Variants in DOCK10 observed in about 807,000 individuals in gnomAD.
DOCK10 encodes the protein dedicator of cytokinesis protein 10.
Under a neutral mutation model 280.1 loss-of-function variants are expected in DOCK10, and 145 were observed. That is an observed-to-expected ratio of 0.52 (90% CI 0.45 to 0.59). The LOEUF is 0.59. Among genes scored for constraint, DOCK10 ranks in the 20% least tolerant of loss-of-function variants. The pLI is 0.00. For missense variants in DOCK10, 2,368 were observed against 2,651.7 expected (o/e 0.89, Z 2.35); for synonymous variants, 915 against 942.2 (o/e 0.97, Z 0.53).
At chr2:224,845,063 G>T in intron 21 of DOCK10, 140 bp downstream of exon 21, 1 of 958,120 alleles carries the variant, frequency 1.0e-6, no homozygotes. Flanking sequence ...AGCTAAACAA[G>T]AGATGTGGCA....
chr2:224,941,771 G>A (rs914370949), intron 1 of DOCK10, among the ~76,000 whole-genome samples: 2 of 151,602 alleles, frequency 1.3e-5, no homozygotes, highest in Non-Finnish European at 2.9e-5. Context: ...TTGAACCCGG[G>A]AGGCAGAGGT....
chr2:224,987,143 T>G (rs1705996527), intron 1 of DOCK10, among the ~76,000 whole-genome samples: 1 of 151,922 alleles, frequency 6.6e-6, no homozygotes, highest in African/African-American at 2.4e-5. Context: ...CCAAGTGAAA[T>G]GACAACAAAG....
intron 1 of DOCK10, among the ~76,000 whole-genome samples, chr2:225,037,736 T>G (rs1349535977): frequency 6.6e-6 from 1 of 152,230 alleles, no homozygotes; most frequent in Non-Finnish European, 1.5e-5. Flanking sequence ...GCATTCATTA[T>G]TGCTTTCTTT....
intron 41 of DOCK10, 77 bp from the exon 42 acceptor site, chr2:224,798,046 C>T: frequency 6.9e-7 from 1 of 1,444,262 alleles, no homozygotes; most frequent in South Asian, 1.2e-5. Context: ...TTATTGTGAA[C>T]CTGTCATGTG....
intron 25 of DOCK10, among the ~76,000 whole-genome samples, chr2:224,835,718 G>A (rs768889215): frequency 2.6e-5 from 4 of 152,192 alleles, no homozygotes; most frequent in Non-Finnish European, 4.4e-5. Flanking sequence ...TTACTTGCCA[G>A]CTTAGTGTTC....
intron 41 of DOCK10, among the ~76,000 whole-genome samples, chr2:224,798,634 C>CT (rs202006772): frequency 0.33 from 47,053 of 142,324 alleles, 8,564 homozygotes; most frequent in East Asian, 0.78. Context: ...CTGGCTCAAT[C>CT]TTTTTTTTTT....
intron 2 of DOCK10, among the ~76,000 whole-genome samples, chr2:224,930,228 G>GAAGA (rs377538186): frequency 1.4e-5 from 2 of 145,724 alleles, no homozygotes; most frequent in Admixed American, 6.8e-5. Context: ...AAGAAAGAAA[G>GAAGA]AAGAAAGAAA....
At chr2:224,894,637 A>G (rs916468308) in intron 4 of DOCK10, among the ~76,000 whole-genome samples, 1 of 152,234 alleles carries the variant, frequency 6.6e-6, no homozygotes, top group Non-Finnish European at 1.5e-5. Flanking sequence ...AACCTTCCCA[A>G]CATGAAGTTG....
chr2:224,821,998 A>C (rs1694538357), intron 28 of DOCK10, among the ~76,000 whole-genome samples: 1 of 152,216 alleles, frequency 6.6e-6, no homozygotes, highest in East Asian at 1.9e-4. Flanking sequence ...TTTTTAACAC[A>C]TTAAAAAAAA....
At chr2:225,020,191 G>A (rs1559968271) in intron 1 of DOCK10, among the ~76,000 whole-genome samples, 4 of 150,902 alleles carry the variant, frequency 2.7e-5, no homozygotes, top group African/African-American at 9.7e-5. Flanking sequence ...TGATATTAAA[G>A]TATATATATA....
intron 1 of DOCK10, among the ~76,000 whole-genome samples, chr2:224,945,409 G>A (rs1428536256): frequency 6.6e-6 from 1 of 152,084 alleles, no homozygotes; most frequent in African/African-American, 2.4e-5. Flanking sequence ...TTCCAGTTAT[G>A]AAATACCCAG....
chr2:224,809,622 GATC>G (rs1693629722), intron 31 of DOCK10, among the ~76,000 whole-genome samples: 1 of 152,036 alleles, frequency 6.6e-6, no homozygotes, highest in Non-Finnish European at 1.5e-5. Context: ...CAATATCACG[GATC>G]ATCAGGGAAA....
chr2:224,917,031 G>C (rs62186352), intron 2 of DOCK10, among the ~76,000 whole-genome samples: 1 of 145,722 alleles, frequency 6.9e-6, no homozygotes, highest in African/African-American at 2.6e-5. Flanking sequence ...GTTTTAAGCT[G>C]TTCCCCCTTT....
intron 53 of DOCK10, among the ~76,000 whole-genome samples, chr2:224,772,088 T>G (rs1292606197): frequency 6.6e-6 from 1 of 151,818 alleles, no homozygotes; most frequent in African/African-American, 2.4e-5. Context: ...GCCCGGCTAA[T>G]TTTTGTATTT....
intron 3 of DOCK10, among the ~76,000 whole-genome samples, chr2:224,898,136 G>T (rs371083505): frequency 1.3e-5 from 2 of 152,182 alleles, no homozygotes; most frequent in East Asian, 1.9e-4. Flanking sequence ...AGGATGGAGG[G>T]GGGTGGCCTA....
intron 1 of DOCK10, among the ~76,000 whole-genome samples, chr2:225,035,933 A>T (rs1012860746): frequency 1.3e-5 from 2 of 151,576 alleles, no homozygotes; most frequent in African/African-American, 4.9e-5. Context: ...CACTCTCATG[A>T]CCGAATCTAC....
intron 7 of DOCK10, among the ~76,000 whole-genome samples, chr2:224,885,000 GTTGT>G (rs962960720): frequency 5.9e-5 from 9 of 151,972 alleles, no homozygotes; most frequent in East Asian, 3.9e-4. Context: ...TTCTTTTTTT[GTTGT>G]TTGTTTGTTT....
chr2:224,949,269 C>T (rs577198511), intron 1 of DOCK10, among the ~76,000 whole-genome samples: 7 of 152,270 alleles, frequency 4.6e-5, no homozygotes, highest in African/African-American at 1.4e-4. Flanking sequence ...GTTTTAGAAA[C>T]ATATTGTTAA....
intron 1 of DOCK10, among the ~76,000 whole-genome samples, chr2:225,014,811 G>A (rs1689548153): frequency 1.3e-5 from 2 of 152,184 alleles, no homozygotes; most frequent in Admixed American, 1.3e-4. Flanking sequence ...CAGGTCCAGT[G>A]TGAAGGTTAT....
Sources: allele counts gnomAD v4.1 joint callset (sites outside exome capture counted in the v4.1 genomes callset), GRCh38; gene constraint gnomAD v4.1.1; transcripts MANE v1.5; gene names NCBI Gene and HGNC (gene_info 2026-07-23, HGNC 2026-07-21).